The following FRMPD4 variants were observed in gnomAD, a reference collection of about 807,000 sequenced individuals.
FRMPD4 encodes the protein FERM and PDZ domain containing 4.
FRMPD4 carries 22 observed loss-of-function variants against 94.1 expected under a neutral mutation model. The ratio of observed to expected loss-of-function variants is 0.23; its 90% CI spans 0.17 to 0.33. FRMPD4 has a LOEUF of 0.33. Ranked by LOEUF, FRMPD4 falls within the 10% of genes least tolerant of loss-of-function variation. The pLI is 1.00. For missense variants in FRMPD4, 1,111 were observed against 1,339.9 expected, an observed-to-expected ratio of 0.83 and a Z score of 2.67; for synonymous variants, 631 against 548.6, an observed-to-expected ratio of 1.15 and a Z score of -2.10.
chrX:12,145,581 A>G (rs1396775853), intron 1 of FRMPD4, among the ~76,000 whole-genome samples: 1 of 112,924 alleles, frequency 8.9e-6, no homozygotes, highest in East Asian at 2.8e-4. Context: ...GTGTTTACTT[A>G]TTTTAGAAAG....
intron 1 of FRMPD4, among the ~76,000 whole-genome samples, chrX:12,288,771 C>T (rs2054639657): frequency 8.9e-6 from 1 of 112,009 alleles, no homozygotes; most frequent in Non-Finnish European, 1.9e-5. Context: ...CTTGGAAAAG[C>T]GTTAGTTTCT....
rs947616397 is a variant in FRMPD4 at position 12,018,233 on chromosome X, C to G, written c.95+140215C>G. On this transcript the variant is annotated intron_variant, in intron 3 of 18. Coordinates refer to the FRMPD4 transcript ENST00000640291. The stretch of plus-strand genomic sequence containing the variant: ...CAAGGTCATGCTTTCTCTGAAGAAT[C>G]GAGGGAAAATCTGTATCATGCCTTT... Among the ~76,000 whole-genome samples the G allele has an allele frequency of 1.9e-4, 21 of 110,089 alleles. No homozygotes were observed. In the Admixed American group the frequency reaches 1.9e-3, roughly 10 times the overall value.
At chrX:12,579,734 A>C (rs914605958) in intron 2 of FRMPD4, among the ~76,000 whole-genome samples, 3 of 112,453 alleles carry the variant, frequency 2.7e-5, no homozygotes, top group Admixed American at 9.4e-5. Flanking sequence ...CTTCCTGGAC[A>C]GAAAGTTGAA....
At chrX:12,244,507 C>T (rs1479861808) in intron 1 of FRMPD4, among the ~76,000 whole-genome samples, 1 of 112,174 alleles carries the variant, frequency 8.9e-6, no homozygotes, top group African/African-American at 3.2e-5. Context: ...CCTAGTTCTG[C>T]TTTATTGGAG....
chrX:12,164,338 G>T (rs746470331), intron 1 of FRMPD4, among the ~76,000 whole-genome samples: 4 of 111,414 alleles, frequency 3.6e-5, no homozygotes, highest in Non-Finnish European at 7.5e-5. Context: ...GAGAATCATG[G>T]TTTCCAGCTT....
chrX:12,174,298 A>C (rs1468863545), intron 1 of FRMPD4, among the ~76,000 whole-genome samples: 1 of 111,888 alleles, frequency 8.9e-6, no homozygotes, highest in African/African-American at 3.3e-5. Context: ...TTTTTCAACC[A>C]ATTAAAAGTG....
At chrX:12,694,033 C>T (rs1006727832) in intron 8 of FRMPD4, among the ~76,000 whole-genome samples, 1 of 111,314 alleles carries the variant, frequency 9.0e-6, no homozygotes, top group Non-Finnish European at 1.9e-5. Context: ...TGAGGAGGCA[C>T]CCTTGCTTGG....
intron 2 of FRMPD4, among the ~76,000 whole-genome samples, chrX:12,535,187 GTCTTC>G (rs2058325720): frequency 1.8e-5 from 2 of 111,711 alleles, no homozygotes; most frequent in African/African-American, 3.3e-5. Flanking sequence ...CATGTCTCTT[GTCTTC>G]TCTTGTCTGC....
At position 12,479,466 on chromosome X, in the gene FRMPD4, A is replaced by G. The variant is rs970865672; in HGVS notation, c.42-19214A>G. ...TATATGTATATATATGTATATATGT[A>G]TATATATGTATATACATATATATAC... On this transcript the variant is annotated intron_variant, in intron 1 of 16. Transcript: ENST00000675598. Among the ~76,000 whole-genome samples, 437 of 100,133 alleles carry G rather than the reference A, an allele frequency of 4.4e-3. 3 individuals are homozygous for G. The highest frequency in any genetic ancestry group is 0.015 in the African/African-American group (400 of 26,404). 87.0% of individuals were successfully genotyped at this position (100,133 alleles called of 115,157 possible).
chrX:12,718,085 C>G lies in FRMPD4; in HGVS notation c.3259C>G (p.Arg1087Gly). Residue 1087 changes from arginine (R) to glycine (G), a missense_variant, in exon 16 of 17, where the codon CGC (arginine) becomes GGC (glycine). Arg to Gly is a moderately radical substitution (Grantham distance 125, BLOSUM62 -2). Transcript: ENST00000675598. The part of the protein sequence containing the change: ...STFNLERTAF[R>G]KDSQRWYVAT... ...TTTTAATCTGGAGAGAACTGCCTTT[C>G]GCAAGGACAGTCAAAGATGGTATGT... The G allele has an allele frequency of 8.3e-7, 1 of 1,210,331 alleles. No homozygotes were observed. Among genetic ancestry groups the G allele is most frequent in the African/African-American group, 1.7e-5 (1 of 57,712 alleles).
intron 1 of FRMPD4, among the ~76,000 whole-genome samples, chrX:12,308,182 G>A (rs182830449): frequency 7.6e-4 from 84 of 111,117 alleles, no homozygotes; most frequent in Non-Finnish European, 1.4e-3. Flanking sequence ...CAATCCTCTG[G>A]CATCTCATTA....
intron 2 of FRMPD4, among the ~76,000 whole-genome samples, chrX:12,604,398 C>T (rs73446817): frequency 0.065 from 7,308 of 111,772 alleles, 589 homozygotes; most frequent in African/African-American, 0.23. Context: ...TTTATTCTTT[C>T]GTGTTCTGGT....
chrX:12,376,778 A>G (rs1043777516), intron 1 of FRMPD4, among the ~76,000 whole-genome samples: 1 of 112,721 alleles, frequency 8.9e-6, no homozygotes, highest in African/African-American at 3.2e-5. Context: ...TTGGCTTATA[A>G]CTCAGTCTCC....
At chrX:12,416,029 G>C (rs771535012) in intron 1 of FRMPD4, among the ~76,000 whole-genome samples, 1 of 112,156 alleles carries the variant, frequency 8.9e-6, no homozygotes, top group East Asian at 2.8e-4. Context: ...CCTGCAAAAT[G>C]ATGCAATGCC....
At chrX:12,458,933 A>G (rs779216687) in intron 1 of FRMPD4, among the ~76,000 whole-genome samples, 4 of 111,996 alleles carry the variant, frequency 3.6e-5, no homozygotes, top group Non-Finnish European at 7.5e-5. Flanking sequence ...AAATGAATGA[A>G]TGAATGAATA....
At chrX:12,265,570 C>G (rs1229280979) in intron 1 of FRMPD4, among the ~76,000 whole-genome samples, 1 of 111,581 alleles carries the variant, frequency 9.0e-6, no homozygotes, top group Non-Finnish European at 1.9e-5. Flanking sequence ...ATTTTCTCAG[C>G]TTTACTTTTC....
rs1013791867 is a variant in FRMPD4 at position 12,722,604 on chromosome X, T to G, written c.*746T>G. On this transcript the variant is annotated 3_prime_UTR_variant, in exon 17 of 17. Transcript: ENST00000675598. ...GATGGGCAGTTTCCTAGGTAACACC[T>G]AGAGTTATAGAATATCTCATTACAT... 2 of 111,550 alleles carry G rather than the reference T, an allele frequency of 1.8e-5. No individual in the cohort carries two copies. Among genetic ancestry groups the G allele is most frequent in the African/African-American group, 6.5e-5 (2 of 30,707 alleles). The allele number at this position is 111,550 out of a possible 1,213,427, so 9.2% of individuals were successfully genotyped here. A position where few individuals can be genotyped will look rare whatever the true frequency, so the allele number is the denominator to read the frequency against.
At chrX:12,133,175 C>A (rs771301704) in intron 3 of FRMPD4, among the ~76,000 whole-genome samples, 29 of 110,495 alleles carry the variant, frequency 2.6e-4, no homozygotes, top group African/African-American at 8.2e-4. Flanking sequence ...AGTACTTTAG[C>A]CAGTGGGAGG....
In FRMPD4 at chrX:12,674,487, C is replaced by T. The variant is rs142325793; in HGVS notation, c.423-376C>T. Among the ~76,000 whole-genome samples the T allele has an allele frequency of 9.8e-3, 1,097 of 112,033 alleles. 15 individuals carry two copies. Among genetic ancestry groups the T allele is most frequent in the African/African-American group, 0.033 (1,007 of 30,840 alleles). ...TTTTTAAGCAGCAAAGAAAAATAGG[C>T]TAAAGGAAAATCAGAAGGAGAGAAT... On this transcript the variant is annotated intron_variant, in intron 4 of 16. Transcript: ENST00000675598.
Sources: allele counts gnomAD v4.1 joint callset (sites outside exome capture counted in the v4.1 genomes callset), GRCh38; gene constraint gnomAD v4.1.1; transcripts MANE v1.5; gene names NCBI Gene and HGNC (gene_info 2026-07-23, HGNC 2026-07-21).